Variants in NBEAL1 observed in about 807,000 individuals in gnomAD.
NBEAL1 encodes neurobeachin-like protein 1.
A neutral mutation model predicts 351.3 loss-of-function variants in NBEAL1; 273 were observed. The observed-to-expected ratio is 0.78, with a 90% confidence interval of 0.70 to 0.86. The LOEUF (loss-of-function observed/expected upper bound fraction) is 0.86, where lower values mean the gene tolerates loss of function less well. Ranked by LOEUF, NBEAL1 falls within the 40% of genes least tolerant of loss-of-function variation. The pLI, the probability that NBEAL1 is intolerant of heterozygous loss-of-function variation, is 0.00. For missense variants in NBEAL1, 2,961 were observed against 3,201.3 expected (o/e 0.92, Z 1.81); for synonymous variants, 1,050 against 1,086.4 (o/e 0.97, Z 0.66).
At chr2:203,175,765 G>A (rs2064480692) in intron 42 of NBEAL1, among the ~76,000 whole-genome samples, 1 of 152,102 alleles carries the variant, frequency 6.6e-6, no homozygotes, top group Non-Finnish European at 1.5e-5. Flanking sequence ...CTAATCCTAA[G>A]GAAACCAGCT....
chr2:203,208,045 G>A (rs2065660237), intron 51 of NBEAL1, among the ~76,000 whole-genome samples: 1 of 152,158 alleles, frequency 6.6e-6, no homozygotes, highest in Non-Finnish European at 1.5e-5. Context: ...ACTTTGGAAG[G>A]CTGAGGCGGA....
At chr2:203,029,683 C>A (rs554725952) in intron 2 of NBEAL1, among the ~76,000 whole-genome samples, 21 of 140,568 alleles carry the variant, frequency 1.5e-4, no homozygotes, top group African/African-American at 5.4e-4. Context: ...TAGAGTGAGA[C>A]CCTGTCTCAA....
intron 10 of NBEAL1, among the ~76,000 whole-genome samples, chr2:203,096,655 A>G (rs904697542): frequency 6.6e-6 from 1 of 152,240 alleles, no homozygotes; most frequent in Non-Finnish European, 1.5e-5. Context: ...ATGAATATAA[A>G]TGAAGCTCAA....
chr2:203,020,704 T>C (rs1032752103), intron 2 of NBEAL1, among the ~76,000 whole-genome samples: 7 of 151,502 alleles, frequency 4.6e-5, no homozygotes, highest in African/African-American at 1.7e-4. Flanking sequence ...CCCCAAATTA[T>C]ATAGTCTGAA....
intron 41 of NBEAL1, 53 bp downstream of exon 41, chr2:203,172,906 A>G (rs1003267769): frequency 9.3e-6 from 14 of 1,511,274 alleles, no homozygotes; most frequent in Middle Eastern, 1.8e-4. Flanking sequence ...TTGAATTTGT[A>G]TTGATTTTTT....
chr2:203,219,782 C>T lies in NBEAL1; in HGVS notation c.*2428C>T, dbSNP rs928517177. Reference sequence around the variant, plus strand: ...GCAGCGCAGGAGAATCACTTAAACCCGGGAGGTGGAGGTTGCAGTGACCTG... The same window carrying T: ...GCAGCGCAGGAGAATCACTTAAACCTGGGAGGTGGAGGTTGCAGTGACCTG... On this transcript the variant is annotated 3_prime_UTR_variant, in exon 56 of 56. Coordinates refer to ENST00000683969, the MANE Select transcript of NBEAL1 (RefSeq NM_001378026.1). 2 of 151,950 alleles carry T rather than the reference C, an allele frequency of 1.3e-5. No homozygotes were observed. Among genetic ancestry groups the T allele is most frequent in the African/African-American group, 4.8e-5 (2 of 41,348 alleles). The allele number at this position is 151,950 out of a possible 1,614,324, so 9.4% of individuals were successfully genotyped here.
chr2:203,136,358 C>A (rs1246526415), intron 28 of NBEAL1, 106 bp downstream of exon 28: 7 of 920,496 alleles, frequency 7.6e-6, no homozygotes, highest in Non-Finnish European at 1.1e-5. Context: ...ATATTGTATT[C>A]ATGTTCTAAG....
At chr2:203,021,375 C>T (rs1315643163) in intron 2 of NBEAL1, among the ~76,000 whole-genome samples, 6 of 151,096 alleles carry the variant, frequency 4.0e-5, no homozygotes, top group Non-Finnish European at 5.9e-5. Context: ...AGGTGGATCA[C>T]TTGAGCTTGG....
intron 7 of NBEAL1, 95 bp from the exon 8 acceptor site, chr2:203,077,657 A>G (rs1465908074): frequency 1.4e-5 from 10 of 714,676 alleles, no homozygotes; most frequent in Non-Finnish European, 2.1e-5. Flanking sequence ...CTTTTCACAA[A>G]TAGTTCTTCG....
rs1418502757 is a variant in NBEAL1, at chr2:203,223,452, T to C, written c.*6098T>C. On this transcript the variant is annotated 3_prime_UTR_variant, in exon 56 of 56. Transcript: ENST00000683969. ...ATATGTGTGTCTGTGTTTCCACTTA[T>C]GTAATGGCTGTCTCATTATTTAAAT... 3.3e-5 allele frequency among the ~76,000 whole-genome samples: 5 copies of C among 152,088 alleles called. No homozygotes were observed. The East Asian group carries it at 5.8e-4, about 18-fold the overall frequency.
At position 203,167,370 on chromosome 2, in the gene NBEAL1, A is replaced by T; in HGVS notation, c.5997+10A>T. 1 of 1,589,720 alleles carries T rather than the reference A, an allele frequency of 6.3e-7. No individual in the cohort carries two copies. Among genetic ancestry groups the T allele is most frequent in the African/African-American group, 1.4e-5 (1 of 73,798 alleles). On this transcript the variant is annotated intron_variant, in intron 38 of 55. Coordinates refer to ENST00000683969, the MANE Select transcript of NBEAL1 (RefSeq NM_001378026.1). ...CAATTTCAAAAAAGAGGTATGTATT[A>T]TGGTTTCAGGAAATCCCAAAATGCT...
At chr2:203,208,544 T>G (rs2065675811) in intron 51 of NBEAL1, 93 bp from the exon 52 acceptor site, 4 of 802,258 alleles carry the variant, frequency 5.0e-6, no homozygotes, top group Non-Finnish European at 6.3e-6. Flanking sequence ...GCAATGTTAG[T>G]TTGTGATTAG....
chr2:203,195,579 G>A (rs1187552480), intron 47 of NBEAL1, among the ~76,000 whole-genome samples: 1 of 152,202 alleles, frequency 6.6e-6, no homozygotes, highest in Non-Finnish European at 1.5e-5. Flanking sequence ...AATTTAACAT[G>A]TAGTTGTAGT....
rs115858146 is a variant in NBEAL1 at position 203,167,835 on chromosome 2, G to A, written c.5997+475G>A. Among the ~76,000 whole-genome samples, 232 of 152,196 alleles carry A rather than the reference G, an allele frequency of 1.5e-3. 2 individuals are homozygous for A. Among genetic ancestry groups the A allele is most frequent in the African/African-American group, 5.4e-3 (223 of 41,526 alleles). ...CTCATTACTGAGAATGCTTGGGCCC[G>A]GCCTTCCTCCCCTCTCTCATTCACT... On this transcript the variant is annotated intron_variant, in intron 38 of 55. Coordinates refer to ENST00000683969, the MANE Select transcript of NBEAL1 (RefSeq NM_001378026.1).
intron 10 of NBEAL1, among the ~76,000 whole-genome samples, chr2:203,094,047 A>G (rs1238520516): frequency 2.0e-5 from 3 of 152,144 alleles, no homozygotes; most frequent in Admixed American, 6.5e-5. Context: ...TTCATTATAC[A>G]AATAAGGAAA....
intron 7 of NBEAL1, among the ~76,000 whole-genome samples, chr2:203,073,674 G>T (rs984291836): frequency 6.6e-6 from 1 of 152,030 alleles, no homozygotes. Flanking sequence ...ATTGATCTTT[G>T]CAGTGAACTA....
intron 19 of NBEAL1, among the ~76,000 whole-genome samples, chr2:203,123,970 C>T (rs1032141551): frequency 3.3e-5 from 5 of 151,058 alleles, no homozygotes; most frequent in Non-Finnish European, 7.4e-5. Flanking sequence ...TAATATTTGC[C>T]TTCCAAAAAG....
At position 203,164,265 on chromosome 2, in the gene NBEAL1, A is replaced by G. The variant is rs181521508; in HGVS notation, c.5715-1884A>G. 2.6e-5 allele frequency among the ~76,000 whole-genome samples: 4 copies of G among 151,972 alleles called. No homozygotes were observed. The East Asian group carries it at 7.7e-4, about 29-fold the overall frequency. ...AGACCCCATCTAAAAATATATATAT[A>G]TTACAAATTGACTAGATTCAGTAGT... On this transcript the variant is annotated intron_variant, in intron 36 of 55. Transcript: ENST00000683969.
At chr2:203,201,497 T>A (rs1424920599) in intron 49 of NBEAL1, 46 bp from the exon 50 acceptor site, 20 of 1,417,378 alleles carry the variant, frequency 1.4e-5, no homozygotes, top group Non-Finnish European at 1.8e-5. Flanking sequence ...CACATCAGTA[T>A]ACGTGATCTT....
Sources: allele counts gnomAD v4.1 joint callset (sites outside exome capture counted in the v4.1 genomes callset), GRCh38; gene constraint gnomAD v4.1.1; transcripts MANE v1.5; gene names NCBI Gene and HGNC (gene_info 2026-07-23, HGNC 2026-07-21).